Variants in DHRS13 observed in about 807,000 individuals in gnomAD.
DHRS13 encodes dehydrogenase/reductase 13, also known as dehydrogenase/reductase SDR family member 13.
DHRS13 carries 22 observed loss-of-function variants against 17.9 expected under a neutral mutation model. The ratio of observed to expected loss-of-function variants is 1.23; its 90% CI spans 0.88 to 1.75. The LOEUF (loss-of-function observed/expected upper bound fraction) is 1.75, where lower values mean the gene tolerates loss of function less well. DHRS13 is among the 40% of genes most tolerant of loss of function. DHRS13 has a pLI of 0.00. For synonymous variants in DHRS13, 206 were observed against 220.4 expected (o/e 0.93, Z 0.58); for missense variants, 483 against 519.9 (o/e 0.93, Z 0.69).
Position 28,901,758 on chromosome 17 carries a change from G to T in DHRS13, c.247-142C>A. 2 of 1,375,568 alleles carry T rather than the reference G, an allele frequency of 1.5e-6. No homozygotes were observed. The highest frequency in any genetic ancestry group is 2.5e-5 in the East Asian group (1 of 39,608). The allele number at this position is 1,375,568 out of a possible 1,614,324, so 85.2% of individuals were successfully genotyped here. On this transcript the variant is annotated intron_variant, in intron 2 of 4. Coordinates refer to ENST00000378895, the MANE Select transcript of DHRS13 (RefSeq NM_144683.4). This position sits in a 1 kb window ranked among gnomAD's most constrained non-coding sequence, Gnocchi z 4.3. ...TTAGAGTGTACTAGATAAGTGTGTG[G>T]ATTCAAATCCTGACTTTGCCTTTTA...
At position 28,901,445 on chromosome 17, in the gene DHRS13, C is replaced by A. The variant is rs1435557577; in HGVS notation, c.370+48G>T. 6.2e-7 allele frequency: 1 copy of A among 1,611,256 alleles called. No homozygotes were observed. Among genetic ancestry groups the A allele is most frequent in the South Asian group, 1.1e-5 (1 of 90,908 alleles). On this transcript the variant is annotated intron_variant, in intron 3 of 4. Coordinates refer to ENST00000378895, the MANE Select transcript of DHRS13 (RefSeq NM_144683.4). The surrounding 1 kb of genome is among the most constrained non-coding windows in gnomAD (Gnocchi z 4.3). Reference sequence around the variant, plus strand: ...GCCCCCGCTGGAGGGGGCAGTTGCCCCTGGCCACCCGCCACCCCACCCCCA... The same window carrying A: ...GCCCCCGCTGGAGGGGGCAGTTGCCACTGGCCACCCGCCACCCCACCCCCA...
chr17:28,902,823 A>G lies in DHRS13; in HGVS notation c.122T>C (p.Val41Ala), dbSNP rs1218064014. The G allele has an allele frequency of 1.3e-6, 2 of 1,538,830 alleles. No homozygotes were observed. Among genetic ancestry groups the G allele is most frequent in the Non-Finnish European group, 1.7e-6 (2 of 1,151,590 alleles). ...TCACCCGCCTCCGCACTCACCCGTG[A>G]CCACGGCCGTGCGGCCCCGCAGGTT... ...MGNLRGRTAV[V>A]TGANSGIGKM... Residue 41 changes from valine to alanine, a missense_variant, in exon 1 of 5, where the codon GTC (valine) becomes GCC (alanine). Coordinates refer to ENST00000378895, the MANE Select transcript of DHRS13 (RefSeq NM_144683.4). This position sits in a 1 kb window ranked among gnomAD's most constrained non-coding sequence, Gnocchi z 4.0.
chr17:28,900,219 G>T (rs1194318061), intron 4 of DHRS13, among the ~76,000 whole-genome samples: 1 of 152,054 alleles, frequency 6.6e-6, no homozygotes, highest in Non-Finnish European at 1.5e-5. Context: ...CCTAGAGATG[G>T]GGTTTCACCA....
In DHRS13 at chr17:28,902,537, G is replaced by C. The variant is rs2039814543; in HGVS notation, c.246+46C>G. ...CCCTTTGCTGGCTTCTCTGTGTCCC[G>C]GCGGGTTCTCGGCTCACCGTCCCAC... On this transcript the variant is annotated intron_variant, in intron 2 of 4. Coordinates refer to ENST00000378895, the MANE Select transcript of DHRS13 (RefSeq NM_144683.4). This position sits in a 1 kb window ranked among gnomAD's most constrained non-coding sequence, Gnocchi z 4.0. The C allele has an allele frequency of 7.0e-7, 1 of 1,436,142 alleles. No individual in the cohort carries two copies. The highest frequency in any genetic ancestry group is 9.1e-7 in the Non-Finnish European group (1 of 1,099,048). The allele number at this position is 1,436,142 out of a possible 1,614,324, so 89.0% of individuals were successfully genotyped here.
Position 28,902,445 on chromosome 17 carries a change from T to G in DHRS13, c.246+138A>C, listed in dbSNP as rs2099406369. 1.1e-6 allele frequency: 1 copy of G among 930,538 alleles called. No individual in the cohort carries two copies. The highest frequency in any genetic ancestry group is 1.5e-6 in the Non-Finnish European group (1 of 677,126). 57.6% of individuals were successfully genotyped at this position (930,538 alleles called of 1,614,324 possible). On this transcript the variant is annotated intron_variant, in intron 2 of 4. Coordinates refer to ENST00000378895, the MANE Select transcript of DHRS13 (RefSeq NM_144683.4). The surrounding 1 kb of genome is among the most constrained non-coding windows in gnomAD (Gnocchi z 4.0). ...TTCCTCGGGTGACCCCAGCGCTCCGTGCACTCCCTCTTCGCGCTCAGCCGC... is the reference window on the plus strand; with the variant it reads ...TTCCTCGGGTGACCCCAGCGCTCCGGGCACTCCCTCTTCGCGCTCAGCCGC...
Position 28,898,649 on chromosome 17 carries a change from C to T in DHRS13, c.926G>A (p.Arg309Lys), listed in dbSNP as rs144615958. ...CTCCCCAGGCCCAAGCCCTGCCAGCCTCTTGCTGGCCTCCCATAGCCGATG... is the reference window on the plus strand; with the variant it reads ...CTCCCCAGGCCCAAGCCCTGCCAGCTTCTTGCTGGCCTCCCATAGCCGATG... Reference protein sequence around the residue: ...AAHRLWEASKRLAGLGPGEDA... With the variant: ...AAHRLWEASKKLAGLGPGEDA... Residue 309 changes from arginine to lysine, a missense_variant, in exon 5 of 5, where the codon AGG becomes AAG. Physicochemically the swap from Arg to Lys is conservative, Grantham distance 26. Coordinates refer to ENST00000378895, the MANE Select transcript of DHRS13 (RefSeq NM_144683.4). 152 of 1,613,802 alleles carry T rather than the reference C, an allele frequency of 9.4e-5. No homozygotes were observed. The highest frequency in any genetic ancestry group is 1.3e-4 in the Non-Finnish European group (148 of 1,179,886).
In DHRS13 at chr17:28,898,486, C is replaced by T. The variant is rs763382368; in HGVS notation, c.1089G>A (p.Thr363=). 2.6e-5 allele frequency: 42 copies of T among 1,585,024 alleles called. No individual in the cohort carries two copies. The highest frequency in any genetic ancestry group is 3.5e-5 in the Non-Finnish European group (41 of 1,165,144). ...PQSSPDLSKM[T]HRIQAKVEPE... Reference sequence around the variant, plus strand: ...GCTCAACTTTAGCCTGAATTCGGTGCGTCATCTTAGACAAATCTGGTGAGC... The same window carrying T: ...GCTCAACTTTAGCCTGAATTCGGTGTGTCATCTTAGACAAATCTGGTGAGC... Residue 363 remains threonine, a synonymous_variant, in exon 5 of 5, where the codon ACG becomes ACA. Coordinates refer to ENST00000378895, the MANE Select transcript of DHRS13 (RefSeq NM_144683.4).
chr17:28,898,718 T>G lies in DHRS13; in HGVS notation c.857A>C (p.His286Pro). The G allele has an allele frequency of 1.2e-6, 2 of 1,613,974 alleles. No individual in the cohort carries two copies. Among genetic ancestry groups the G allele is most frequent in the Non-Finnish European group, 1.7e-6 (2 of 1,179,936 alleles). Residue 286 changes from histidine to proline, a missense_variant, in exon 5 of 5, where the codon CAT (histidine) becomes CCT (proline). By Grantham distance (77) the His-to-Pro change is moderately conservative. Transcript: ENST00000378895. ...PLSGRYFANC[H>P]VEEVPPAARD... ...GGCAGCTGGAGGCACCTCTTCCACA[T>G]GGCAGTTGGCAAAATATCTCCCACT...
At position 28,898,886 on chromosome 17, in the gene DHRS13, A is replaced by G; in HGVS notation, c.689T>C (p.Val230Ala). Residue 230 changes from valine (V) to alanine (A), a missense_variant, in exon 5 of 5, where the codon GTG (valine) becomes GCG (alanine). Coordinates refer to ENST00000378895, the MANE Select transcript of DHRS13 (RefSeq NM_144683.4). ...ATGGCGCAGGAACAGCTCCGAGTTC[A>G]CAGGCCCTGTAGGCAGGAAGAAAGA... ...VTCYAAHPGP[V>A]NSELFLRHVP... 6.3e-7 allele frequency: 1 copy of G among 1,580,918 alleles called. No homozygotes were observed. Among genetic ancestry groups the G allele is most frequent in the Non-Finnish European group, 8.6e-7 (1 of 1,163,110 alleles).
rs760055299 is a variant in DHRS13 at position 28,901,563 on chromosome 17, G to C, written c.300C>G (p.Ala100=). 1 of 1,614,224 alleles carries C rather than the reference G, an allele frequency of 6.2e-7. No homozygotes were observed. The highest frequency in any genetic ancestry group is 2.2e-5 in the East Asian group (1 of 44,894). ...AGGCAGTGGCAAAGGCCCGCACCGA[G>C]GCCAGACTGGCCAAGTCCAAGGCCA... ...IFMALDLASL[A]SVRAFATAFL... Residue 100 remains alanine (A), a synonymous_variant, in exon 3 of 5, where the codon GCC becomes GCG. Coordinates refer to ENST00000378895, the MANE Select transcript of DHRS13 (RefSeq NM_144683.4). The surrounding 1 kb of genome is among the most constrained non-coding windows in gnomAD (Gnocchi z 4.3).
In DHRS13 at chr17:28,899,214, A is replaced by C; in HGVS notation, c.683-322T>G. 8.3e-6 allele frequency: 2 copies of C among 241,182 alleles called. No individual in the cohort carries two copies. The highest frequency in any genetic ancestry group is 1.1e-4 in the East Asian group (1 of 8,950). The allele number at this position is 241,182 out of a possible 1,614,324, so 14.9% of individuals were successfully genotyped here. A position where few individuals can be genotyped will look rare whatever the true frequency, so the allele number is the denominator to read the frequency against. Reference sequence around the variant, plus strand: ...CATCCAGACTGCTTGTTCACCCCACATCCCAGATTTTGTTCATGCTGTGTC... The same window carrying C: ...CATCCAGACTGCTTGTTCACCCCACCTCCCAGATTTTGTTCATGCTGTGTC... On this transcript the variant is annotated intron_variant, in intron 4 of 4. Coordinates refer to ENST00000378895, the MANE Select transcript of DHRS13 (RefSeq NM_144683.4). This position sits in a 1 kb window ranked among gnomAD's most constrained non-coding sequence, Gnocchi z 4.7.
chr17:28,903,057 CCGA>C lies in DHRS13; in HGVS notation c.-116_-114del. 1.0e-6 allele frequency: 1 copy of C among 1,000,252 alleles called. No homozygotes were observed. 62.0% of individuals were successfully genotyped at this position (1,000,252 alleles called of 1,614,324 possible). A position where few individuals can be genotyped will look rare whatever the true frequency, so the allele number is the denominator to read the frequency against. On this transcript the variant is annotated 5_prime_UTR_variant, in exon 1 of 5. Coordinates refer to ENST00000378895, the MANE Select transcript of DHRS13 (RefSeq NM_144683.4). The surrounding 1 kb of genome is among the most constrained non-coding windows in gnomAD (Gnocchi z 4.8). ...GAACGGCGCCCGGGCGCGTCAGCCT[CCGA>C]AGGCGGAGGCGGGCAGGAGGCTGGG... is the stretch of plus-strand genomic sequence containing the variant.
chr17:28,901,373 A>G lies in DHRS13; in HGVS notation c.371-72T>C. 6.3e-7 allele frequency: 1 copy of G among 1,583,590 alleles called. No individual in the cohort carries two copies. The highest frequency in any genetic ancestry group is 1.3e-5 in the African/African-American group (1 of 74,382). On this transcript the variant is annotated intron_variant, in intron 3 of 4. Coordinates refer to ENST00000378895, the MANE Select transcript of DHRS13 (RefSeq NM_144683.4). This position sits in a 1 kb window ranked among gnomAD's most constrained non-coding sequence, Gnocchi z 4.3. ...CAGCCTTGGCATCCCTATCTATGAGATGGGAGAAGGGGGCATCCTTCCCAT... is the reference window on the plus strand; with the variant it reads ...CAGCCTTGGCATCCCTATCTATGAGGTGGGAGAAGGGGGCATCCTTCCCAT...
Position 28,897,874 on chromosome 17 carries a change from G to A in DHRS13, c.*567C>T. On this transcript the variant is annotated 3_prime_UTR_variant, in exon 5 of 5. Coordinates refer to ENST00000378895, the MANE Select transcript of DHRS13 (RefSeq NM_144683.4). This position sits in a 1 kb window ranked among gnomAD's most constrained non-coding sequence, Gnocchi z 4.4. Reference sequence around the variant, plus strand: ...GAAGGCGTCCCCTTACTCCCATGGGGCACCTCGATACCAGCTGCCCTGCCC... The same window carrying A: ...GAAGGCGTCCCCTTACTCCCATGGGACACCTCGATACCAGCTGCCCTGCCC... The A allele has an allele frequency of 4.1e-6, 1 of 245,904 alleles. No individual in the cohort carries two copies. Among genetic ancestry groups the A allele is most frequent in the Non-Finnish European group, 7.7e-6 (1 of 130,304 alleles). 15.2% of individuals were successfully genotyped at this position (245,904 alleles called of 1,614,324 possible).
chr17:28,898,670 C>T lies in DHRS13; in HGVS notation c.905G>A (p.Arg302Gln), dbSNP rs778535046. ...PAARDDRAAH[R>Q]LWEASKRLAG... is the part of the protein sequence containing the mutation. ...CAGCCTCTTGCTGGCCTCCCATAGCCGATGGGCTGCCCGGTCGTCTCGGGC... is the reference window on the plus strand; with the variant it reads ...CAGCCTCTTGCTGGCCTCCCATAGCTGATGGGCTGCCCGGTCGTCTCGGGC... The change falls in exon 5 of 5, where the codon CGG (arginine) becomes CAG (glutamine). Residue 302 changes from arginine (R) to glutamine (Q), a missense_variant. Coordinates refer to ENST00000378895, the MANE Select transcript of DHRS13 (RefSeq NM_144683.4). 2.2e-5 allele frequency: 36 copies of T among 1,613,494 alleles called. No individual in the cohort carries two copies. The South Asian group carries it at 2.4e-4, about 11-fold the overall frequency.
At position 28,902,273 on chromosome 17, in the gene DHRS13, CT is replaced by C. The variant is rs1388793202; in HGVS notation, c.246+309del. The C allele has an allele frequency of 3.4e-6, 1 of 293,100 alleles. No homozygotes were observed. 18.2% of individuals were successfully genotyped at this position (293,100 alleles called of 1,614,324 possible). On this transcript the variant is annotated intron_variant, in intron 2 of 4. Coordinates refer to ENST00000378895, the MANE Select transcript of DHRS13 (RefSeq NM_144683.4). This position sits in a 1 kb window ranked among gnomAD's most constrained non-coding sequence, Gnocchi z 4.0. ...CAGTTTTTCAGATCAGTCCAGCTCT[CT>C]TTGCCTCAGAGCCTTTGCTTATGCT...
chr17:28,902,491 T>A lies in DHRS13; in HGVS notation c.246+92A>T, dbSNP rs894565069. 1.8e-5 allele frequency: 23 copies of A among 1,278,006 alleles called. No homozygotes were observed. The highest frequency in any genetic ancestry group is 2.3e-5 in the Non-Finnish European group (23 of 982,934). 79.2% of individuals were successfully genotyped at this position (1,278,006 alleles called of 1,614,324 possible). A position where few individuals can be genotyped will look rare whatever the true frequency, so the allele number is the denominator to read the frequency against. ...GCCGCCCGCGCCGCGCTCTCCTCCC[T>A]GGACCCGGATCCTCCGCAGCCCCTT... On this transcript the variant is annotated intron_variant, in intron 2 of 4. Transcript: ENST00000378895. The surrounding 1 kb of genome is among the most constrained non-coding windows in gnomAD (Gnocchi z 4.0).
chr17:28,901,679 C>T lies in DHRS13; in HGVS notation c.247-63G>A. On this transcript the variant is annotated intron_variant, in intron 2 of 4. Transcript: ENST00000378895. This position sits in a 1 kb window ranked among gnomAD's most constrained non-coding sequence, Gnocchi z 4.3. ...CTCTCTCCTCTTCCCTCTCCCCAGG[C>T]ACCAAATTCTGAGAGTCCATCTCCT... The T allele has an allele frequency of 6.3e-7, 1 of 1,598,682 alleles. No homozygotes were observed. Among genetic ancestry groups the T allele is most frequent in the Non-Finnish European group, 8.5e-7 (1 of 1,170,070 alleles).
Position 28,902,711 on chromosome 17 carries a change from G to A in DHRS13, c.128-10C>T. On this transcript the variant is annotated splice_polypyrimidine_tract_variant and intron_variant, in intron 1 of 4. Transcript: ENST00000378895. The surrounding 1 kb of genome is among the most constrained non-coding windows in gnomAD (Gnocchi z 4.0). ...ATGCCGCTGTTGGCGCCTGCGGACC[G>A]CGGGCGGGAGCCGAGCTGAGCTGAG... is the stretch of plus-strand genomic sequence containing the variant. 2.2e-6 allele frequency: 3 copies of A among 1,352,624 alleles called. No homozygotes were observed. The highest frequency in any genetic ancestry group is 2.8e-6 in the Non-Finnish European group (3 of 1,060,462). 83.8% of individuals were successfully genotyped at this position (1,352,624 alleles called of 1,614,324 possible). A position where few individuals can be genotyped will look rare whatever the true frequency, so the allele number is the denominator to read the frequency against.
Sources: allele counts gnomAD v4.1 joint callset (sites outside exome capture counted in the v4.1 genomes callset), GRCh38; gene constraint gnomAD v4.1.1; non-coding constraint Gnocchi (gnomAD v3.1); transcripts MANE v1.5; gene names NCBI Gene and HGNC (gene_info 2026-07-23, HGNC 2026-07-21).